SDK2: variants seen among roughly 807,000 people sequenced by gnomAD.
The protein encoded by SDK2 is sidekick cell adhesion molecule 2.
A neutral mutation model predicts 253.9 loss-of-function variants in SDK2; 105 were observed. That is an observed-to-expected ratio of 0.41 (90% CI 0.35 to 0.49). The LOEUF is 0.49. Ranked by LOEUF, SDK2 falls within the 20% of genes least tolerant of loss-of-function variation. The pLI is 0.06. For synonymous variants in SDK2, 1,249 were observed against 1,234.9 expected (o/e 1.01, Z -0.24); for missense variants, 2,608 against 3,003.0 (o/e 0.87, Z 3.07).
chr17:73,514,393 A>T (rs989436580), intron 1 of SDK2, among the ~76,000 whole-genome samples: 1 of 152,220 alleles, frequency 6.6e-6, no homozygotes, highest in Non-Finnish European at 1.5e-5. Flanking sequence ...GGCCCCATAC[A>T]GAAGCCAATC....
intron 44 of SDK2, among the ~76,000 whole-genome samples, chr17:73,339,894 G>A (rs1394643879): frequency 6.7e-6 from 1 of 148,360 alleles, no homozygotes; most frequent in East Asian, 2.0e-4. Context: ...TTTTTGATAC[G>A]CAGTTTCACT....
At chr17:73,432,418 C>T (rs894918476) in intron 10 of SDK2, among the ~76,000 whole-genome samples, 3 of 152,126 alleles carry the variant, frequency 2.0e-5, no homozygotes, top group Admixed American at 6.5e-5. Context: ...TTTGTACATG[C>T]GTGCAGGCAC....
Position 73,395,123 on chromosome 17 carries a change from C to T in SDK2, c.3592+32G>A, listed in dbSNP as rs1395001622. 6.5e-7 allele frequency: 1 copy of T among 1,527,372 alleles called. No homozygotes were observed. The allele number at this position is 1,527,372 out of a possible 1,614,324, so 94.6% of individuals were successfully genotyped here. ...GCATAGAGACCAAGGAGGGGACAGG[C>T]AGCAGGGTGGCTGGGTGTGAGGGGT... is the stretch of plus-strand genomic sequence containing the variant. On this transcript the variant is annotated intron_variant, in intron 25 of 44. Transcript: ENST00000392650. The surrounding 1 kb of genome is among the most constrained non-coding windows in gnomAD (Gnocchi z 4.3).
At chr17:73,598,173 A>G (rs974358273) in intron 1 of SDK2, among the ~76,000 whole-genome samples, 1 of 152,120 alleles carries the variant, frequency 6.6e-6, no homozygotes, top group African/African-American at 2.4e-5. Context: ...CCCTCCCACC[A>G]TTCACCACTG....
At chr17:73,599,123 T>C (rs1379677615) in intron 1 of SDK2, among the ~76,000 whole-genome samples, 1 of 152,206 alleles carries the variant, frequency 6.6e-6, no homozygotes, top group Non-Finnish European at 1.5e-5. Flanking sequence ...AGGCTGGATA[T>C]TTTTCATTGT....
At chr17:73,543,873 T>C (rs1361888835) in intron 1 of SDK2, among the ~76,000 whole-genome samples, 1 of 152,178 alleles carries the variant, frequency 6.6e-6, no homozygotes, top group African/African-American at 2.4e-5. Flanking sequence ...AGGCCACCCA[T>C]GGGTCCCAGA....
At position 73,432,758 on chromosome 17, in the gene SDK2, GTGTT is replaced by G. The variant is rs553932055; in HGVS notation, c.1312+970_1312+973del. 1.9e-4 allele frequency among the ~76,000 whole-genome samples: 27 copies of G among 141,014 alleles called. 1 individual carries two copies. In the South Asian group the frequency reaches 5.6e-3, roughly 29 times the overall value. 92.5% of individuals were successfully genotyped at this position (141,014 alleles called of 152,430 possible). Reference sequence around the variant, plus strand: ...GGCTTGCCGGTGTGAAGGAGCAACTGTGTTTGTACGTGTGTGTGCACATGTGTAT... The same window carrying G: ...GGCTTGCCGGTGTGAAGGAGCAACTGTGTACGTGTGTGTGCACATGTGTAT... On this transcript the variant is annotated intron_variant, in intron 10 of 44. Coordinates refer to ENST00000392650, the MANE Select transcript of SDK2 (RefSeq NM_001144952.2).
chr17:73,527,058 C>A (rs1213929834), intron 1 of SDK2, among the ~76,000 whole-genome samples: 1 of 152,240 alleles, frequency 6.6e-6, no homozygotes, highest in Non-Finnish European at 1.5e-5. Flanking sequence ...TGTGAGGCAT[C>A]ACCGGGCATG....
At chr17:73,460,558 T>A (rs1447594204) in intron 3 of SDK2, among the ~76,000 whole-genome samples, 2 of 152,216 alleles carry the variant, frequency 1.3e-5, no homozygotes, top group African/African-American at 4.8e-5. Context: ...ATTTGTAGTG[T>A]TAAAATATTG....
At chr17:73,584,255 G>A (rs1241444491) in intron 1 of SDK2, among the ~76,000 whole-genome samples, 6 of 152,218 alleles carry the variant, frequency 3.9e-5, no homozygotes. Flanking sequence ...TGAAGTGGCT[G>A]GCAGGCCCTA....
intron 2 of SDK2, among the ~76,000 whole-genome samples, chr17:73,500,806 C>T (rs1470297762): frequency 6.7e-6 from 1 of 150,038 alleles, no homozygotes. Context: ...CTCCTCCATC[C>T]TCTTTCCATC....
chr17:73,415,862 C>T lies in SDK2; in HGVS notation c.2317G>A (p.Ala773Thr), dbSNP rs1430500763. The part of the protein sequence containing the change: ...YEIEVAAYNS[A>T]GLGVYSSKVT... ...TTACTGCTGTAGACCCCCAGCCCAG[C>T]GCTGTTGTAAGCAGCCACCTCGATC... Residue 773 changes from alanine (A) to threonine (T), a missense_variant, in exon 17 of 45, where the codon GCT (alanine) becomes ACT (threonine). Transcript: ENST00000392650. The T allele has an allele frequency of 1.3e-6, 2 of 1,567,244 alleles. No homozygotes were observed. The highest frequency in any genetic ancestry group is 1.7e-6 in the Non-Finnish European group (2 of 1,155,982).
intron 2 of SDK2, among the ~76,000 whole-genome samples, chr17:73,477,087 G>A (rs1251340716): frequency 6.6e-6 from 1 of 152,166 alleles, no homozygotes; most frequent in Admixed American, 6.5e-5. Flanking sequence ...TGCAGCTCTC[G>A]TCTCCCTGCC....
intron 44 of SDK2, among the ~76,000 whole-genome samples, chr17:73,341,433 T>A (rs1253198141): frequency 6.6e-6 from 1 of 152,156 alleles, no homozygotes; most frequent in African/African-American, 2.4e-5. Flanking sequence ...GGGCCCCCCC[T>A]CAGAACTCTC....
At position 73,398,443 on chromosome 17, in the gene SDK2, G is replaced by A; in HGVS notation, c.3094-14C>T. 1.9e-6 allele frequency: 3 copies of A among 1,608,726 alleles called. No individual in the cohort carries two copies. The East Asian group carries it at 6.7e-5, about 36-fold the overall frequency. ...AACCACGCCTACCTGGAAAAGGGCA[G>A]GATCTTAGGCCTGTCCAGCCTACAG... On this transcript the variant is annotated splice_polypyrimidine_tract_variant and intron_variant, in intron 22 of 44. Transcript: ENST00000392650.
At chr17:73,607,179 G>A (rs2143098798) in intron 1 of SDK2, among the ~76,000 whole-genome samples, 1 of 152,288 alleles carries the variant, frequency 6.6e-6, no homozygotes, top group Admixed American at 6.5e-5. Context: ...GTGGTCAAGA[G>A]GACTTCACAG....
chr17:73,431,369 TG>T lies in SDK2; in HGVS notation c.1480+132del. On this transcript the variant is annotated intron_variant, in intron 11 of 44. Coordinates refer to ENST00000392650, the MANE Select transcript of SDK2 (RefSeq NM_001144952.2). The surrounding 1 kb of genome is among the most constrained non-coding windows in gnomAD (Gnocchi z 5.6). ...TCCCTCTGATGAGAAGGGCCCTGACTGGGACAGACACTGGGGATGGAGACAC... is the reference window on the plus strand; with the variant it reads ...TCCCTCTGATGAGAAGGGCCCTGACTGGACAGACACTGGGGATGGAGACAC... 1 of 865,640 alleles carries T rather than the reference TG, an allele frequency of 1.2e-6. No homozygotes were observed. The allele number at this position is 865,640 out of a possible 1,614,324, so 53.6% of individuals were successfully genotyped here.
At chr17:73,406,434 G>C (rs973571729) in intron 18 of SDK2, among the ~76,000 whole-genome samples, 4 of 151,910 alleles carry the variant, frequency 2.6e-5, no homozygotes, top group Admixed American at 6.6e-5. Context: ...ATTTTTAATG[G>C]AGATGGGATT....
Position 73,639,751 on chromosome 17 carries a change from C to G in SDK2, c.64+4274G>C, listed in dbSNP as rs1345246490. Among the ~76,000 whole-genome samples, 1 of 152,106 alleles carries G rather than the reference C, an allele frequency of 6.6e-6. No individual in the cohort carries two copies. The highest frequency in any genetic ancestry group is 1.5e-5 in the Non-Finnish European group (1 of 68,004). On this transcript the variant is annotated intron_variant, in intron 1 of 44. Coordinates refer to ENST00000392650, the MANE Select transcript of SDK2 (RefSeq NM_001144952.2). This position sits in a 1 kb window ranked among gnomAD's most constrained non-coding sequence, Gnocchi z 4.3. ...GAGGGTTCCAGCCAATCAGAGGACC[C>G]CTTCAACCACAGCCAGATCCTAGGA...
Sources: gnomAD v4.1 joint callset for allele counts (sites outside exome capture counted in the v4.1 genomes callset) on GRCh38, gnomAD v4.1.1 for gene constraint, Gnocchi (gnomAD v3.1) non-coding constraint, MANE v1.5 for transcripts, NCBI Gene and HGNC (gene_info 2026-07-23, HGNC 2026-07-21) for gene names.